MCC: variants seen among roughly 807,000 people sequenced by gnomAD.
MCC encodes MCC regulator of Wnt signaling pathway.
A neutral mutation model predicts 116.2 loss-of-function variants in MCC; 90 were observed. That is an observed-to-expected ratio of 0.77 (90% CI 0.65 to 0.92). The LOEUF (loss-of-function observed/expected upper bound fraction) is 0.92. MCC is among the 40% of genes least tolerant of loss of function. MCC has a pLI of 0.00. For missense variants in MCC, 1,516 were observed against 1,312.2 expected (o/e 1.16, Z -2.40); for synonymous variants, 578 against 510.5 (o/e 1.13, Z -1.78).
intron 3 of MCC, among the ~76,000 whole-genome samples, chr5:113,151,836 A>C (rs1460831903): frequency 6.6e-6 from 1 of 152,180 alleles, no homozygotes; most frequent in African/African-American, 2.4e-5. Context: ...GAATAGGGCA[A>C]TTTGGATTTC....
Position 113,294,161 on chromosome 5 carries a change from A to G in MCC, c.627+46358T>C, listed in dbSNP as rs761888218. Among the ~76,000 whole-genome samples the G allele has an allele frequency of 2.0e-5, 3 of 152,144 alleles. 1 individual carries two copies. Among genetic ancestry groups the G allele is most frequent in the Non-Finnish European group, 4.4e-5 (3 of 68,028 alleles). On this transcript the variant is annotated intron_variant, in intron 3 of 18. Coordinates refer to ENST00000408903, the MANE Select transcript of MCC (RefSeq NM_001085377.2). Reference sequence around the variant, plus strand: ...TTCAGGTCATTTCCTGAGTAGCACTACAAGTTAAAACAAGATCCAGAAAAT... The same window carrying G: ...TTCAGGTCATTTCCTGAGTAGCACTGCAAGTTAAAACAAGATCCAGAAAAT...
chr5:113,428,397 A>G (rs1770537780), intron 1 of MCC, among the ~76,000 whole-genome samples: 1 of 152,170 alleles, frequency 6.6e-6, no homozygotes, highest in South Asian at 2.1e-4. Context: ...TTGGCTGCAG[A>G]AGGCTTATGA....
chr5:113,294,395 T>C (rs771157074), intron 3 of MCC: 3 of 1,613,698 alleles, frequency 1.9e-6, no homozygotes, highest in Admixed American at 1.7e-5. Context: ...TGATGCACTT[T>C]TCAGAGCTGG....
At chr5:113,038,155 G>C (rs558381229) in intron 17 of MCC, among the ~76,000 whole-genome samples, 2 of 151,620 alleles carry the variant, frequency 1.3e-5, no homozygotes, top group African/African-American at 4.8e-5. Flanking sequence ...TGGATCATTA[G>C]GAGAAGGGGA....
chr5:113,296,015 T>C (rs1000259732), intron 3 of MCC, among the ~76,000 whole-genome samples: 3 of 152,180 alleles, frequency 2.0e-5, no homozygotes, highest in Non-Finnish European at 2.9e-5. Context: ...AGTGCAACTA[T>C]TTGCATATAA....
Position 113,143,282 on chromosome 5 carries a change from C to T in MCC, c.820G>A (p.Glu274Lys). 2.5e-6 allele frequency: 4 copies of T among 1,613,814 alleles called. No individual in the cohort carries two copies. In the South Asian group the frequency reaches 4.4e-5, roughly 18 times the overall value. The part of the protein sequence containing the change: ...TTLRYEERIT[E>K]LHSVIAELNK... Reference sequence around the variant, plus strand: ...AGCTCCGCAATGACGCTGTGGAGCTCTGTGATGCGTTCCTCATAGCGAAGT... The same window carrying T: ...AGCTCCGCAATGACGCTGTGGAGCTTTGTGATGCGTTCCTCATAGCGAAGT... Residue 274 changes from glutamate (E) to lysine (K), a missense_variant, in exon 5 of 19, where the codon GAG becomes AAG. By Grantham distance (56) the Glu-to-Lys change is moderately conservative (BLOSUM62 1). Transcript: ENST00000408903.
intron 3 of MCC, among the ~76,000 whole-genome samples, chr5:113,182,548 A>G (rs1446282150): frequency 6.6e-6 from 1 of 152,128 alleles, no homozygotes; most frequent in Non-Finnish European, 1.5e-5. Context: ...CTGAGCCAAT[A>G]TCGTACCACT....
At chr5:113,065,445 G>C (rs1753537998) in intron 13 of MCC, among the ~76,000 whole-genome samples, 1 of 152,178 alleles carries the variant, frequency 6.6e-6, no homozygotes, top group Admixed American at 6.5e-5. Context: ...GTACAGCACA[G>C]ATCCATGCTT....
chr5:113,115,017 A>G (rs1757315857), intron 6 of MCC, among the ~76,000 whole-genome samples: 1 of 148,370 alleles, frequency 6.7e-6, no homozygotes, highest in Admixed American at 6.6e-5. Context: ...GAGCTGCTTA[A>G]CACTTAAGCT....
rs1255553889 is a variant in MCC, at chr5:113,488,345, T to C, written c.70A>G (p.Ser24Gly). Residue 24 changes from serine to glycine, a missense_variant, in exon 1 of 19, where the codon AGC becomes GGC. By Grantham distance (56) the Ser-to-Gly change is moderately conservative. Coordinates refer to ENST00000408903, the MANE Select transcript of MCC (RefSeq NM_001085377.2). ...SSGGGGGGSGSSSSSSDTSST... is the reference protein window; with the variant it reads ...SSGGGGGGSGGSSSSSDTSST... ...GACGTGTCGCTGCTGCTGCTGCTGC[T>C]GCCGCTGCCGCCGCCGCCGCCGCCG... The C allele has an allele frequency of 2.7e-3, 3,977 of 1,496,686 alleles. 7 individuals are homozygous for C. Among genetic ancestry groups the C allele is most frequent in the Non-Finnish European group, 3.0e-3 (3,333 of 1,122,050 alleles). The allele number at this position is 1,496,686 out of a possible 1,614,324, so 92.7% of individuals were successfully genotyped here. A position where few individuals can be genotyped will look rare whatever the true frequency, so the allele number is the denominator to read the frequency against.
intron 3 of MCC, among the ~76,000 whole-genome samples, chr5:113,220,053 A>ATCTCTT (rs1763481821): frequency 1.6e-5 from 1 of 62,860 alleles, no homozygotes; most frequent in Non-Finnish European, 6.9e-5. Flanking sequence ...CTGCATGTCA[A>ATCTCTT]TTTCTTTTTC....
intron 3 of MCC, among the ~76,000 whole-genome samples, chr5:113,209,265 C>A (rs1181656201): frequency 6.6e-6 from 1 of 152,196 alleles, no homozygotes. Flanking sequence ...GTTGTAAAAA[C>A]CAGACTTATT....
intron 3 of MCC, among the ~76,000 whole-genome samples, chr5:113,210,821 A>G (rs1429998623): frequency 6.6e-6 from 1 of 152,212 alleles, no homozygotes; most frequent in Non-Finnish European, 1.5e-5. Flanking sequence ...AGGAGCTAAG[A>G]TCGACCCTAA....
At position 113,082,841 on chromosome 5, in the gene MCC, C is replaced by T. The variant is rs199873037; in HGVS notation, c.1784+19G>A. 2.2e-4 allele frequency: 360 copies of T among 1,610,966 alleles called. No individual in the cohort carries two copies. Among genetic ancestry groups the T allele is most frequent in the Middle Eastern group, 1.7e-4 (1 of 6,048 alleles). On this transcript the variant is annotated intron_variant, in intron 11 of 18. Transcript: ENST00000408903. ...CCTCCTCCCTGCCCCACAATCAAAT[C>T]GATACGATCTCTCCTCACCTATTCA...
intron 11 of MCC, among the ~76,000 whole-genome samples, chr5:113,074,804 T>A (rs1461604137): frequency 6.6e-6 from 1 of 152,206 alleles, no homozygotes; most frequent in African/African-American, 2.4e-5. Context: ...GAAGATCATA[T>A]GAATGAAATG....
chr5:113,380,366 A>C (rs1326620437), intron 2 of MCC, among the ~76,000 whole-genome samples: 3 of 152,168 alleles, frequency 2.0e-5, no homozygotes, highest in Non-Finnish European at 4.4e-5. Flanking sequence ...ACTTTTGTTA[A>C]CTCTACTTTA....
chr5:113,369,986 C>T (rs1357749269), intron 2 of MCC, among the ~76,000 whole-genome samples: 3 of 152,128 alleles, frequency 2.0e-5, no homozygotes, highest in Admixed American at 2.0e-4. Flanking sequence ...TAAACATATT[C>T]TCTGGTATTT....
chr5:113,063,282 T>C lies in MCC; in HGVS notation c.2213+702A>G, dbSNP rs372037817. Among the ~76,000 whole-genome samples the C allele has an allele frequency of 9.8e-5, 15 of 152,342 alleles. 2 individuals carry two copies. The highest frequency in any genetic ancestry group is 3.4e-4 in the African/African-American group (14 of 41,584). ...ATGAGAAGGTAAGTAGAAAGGGTTT[T>C]GTTCTGACTCTCCACTCCCATCCAA... On this transcript the variant is annotated intron_variant, in intron 14 of 18. Coordinates refer to ENST00000408903, the MANE Select transcript of MCC (RefSeq NM_001085377.2).
chr5:113,385,975 AAG>A (rs1769245259), intron 1 of MCC, among the ~76,000 whole-genome samples: 2 of 152,198 alleles, frequency 1.3e-5, no homozygotes, highest in South Asian at 4.1e-4. Flanking sequence ...AAAAATAAAA[AAG>A]AATTTCAAAA....
Sources: gnomAD v4.1 joint callset for allele counts (sites outside exome capture counted in the v4.1 genomes callset) on GRCh38, gnomAD v4.1.1 for gene constraint, MANE v1.5 for transcripts, NCBI Gene and HGNC (gene_info 2026-07-23, HGNC 2026-07-21) for gene names.